The following BCL11A variants were observed in gnomAD, a reference collection of about 807,000 sequenced individuals.
BCL11A encodes the protein B cell CLL/lymphoma 11A.
BCL11A carries 2 observed loss-of-function variants against 55.9 expected under a neutral mutation model. That is an observed-to-expected ratio of 0.04 (90% CI 0.01 to 0.11). BCL11A has a LOEUF of 0.11. BCL11A is among the 10% of genes least tolerant of loss of function. BCL11A has a pLI of 1.00. For missense variants in BCL11A, 817 were observed against 1,137.1 expected (o/e 0.72, Z 4.05); for synonymous variants, 465 against 473.4 (o/e 0.98, Z 0.23).
Position 60,492,615 on chromosome 2 carries a change from CCT to C in BCL11A, c.386-23784_386-23783del, listed in dbSNP as rs3028027. Among the ~76,000 whole-genome samples, 698 of 143,650 alleles carry C rather than the reference CCT, an allele frequency of 4.9e-3. 2 individuals carry two copies. Among genetic ancestry groups the C allele is most frequent in the East Asian group, 0.031 (152 of 4,864 alleles). The allele number at this position is 143,650 out of a possible 152,430, so 94.2% of individuals were successfully genotyped here. A position where few individuals can be genotyped will look rare whatever the true frequency, so the allele number is the denominator to read the frequency against. Reference sequence around the variant, plus strand: ...GGATAACCCCATCTCAGTGGGCCTCCCTCTCTCTCTCTCTCTCTCTCTCTCTC... The same window carrying C: ...GGATAACCCCATCTCAGTGGGCCTCCCTCTCTCTCTCTCTCTCTCTCTCTC... On this transcript the variant is annotated intron_variant, in intron 2 of 3. Coordinates refer to ENST00000642384, the MANE Select transcript of BCL11A (RefSeq NM_022893.4).
chr2:60,467,028 T>C (rs949319073), intron 3 of BCL11A, among the ~76,000 whole-genome samples: 1 of 152,080 alleles, frequency 6.6e-6, no homozygotes, highest in African/African-American at 2.4e-5. Context: ...CATAAAATGG[T>C]CCCTACTATA....
At chr2:60,499,445 GC>G (rs751315786) in intron 2 of BCL11A, among the ~76,000 whole-genome samples, 30 of 152,176 alleles carry the variant, frequency 2.0e-4, no homozygotes, top group Non-Finnish European at 3.7e-4. Flanking sequence ...AAGGAAATTA[GC>G]CCCATTTTAT....
intron 3 of BCL11A, among the ~76,000 whole-genome samples, chr2:60,467,578 AATGGTGGTGGTGGTG>A (rs1676822699): frequency 9.0e-5 from 1 of 11,172 alleles, no homozygotes. Flanking sequence ...TGGTGGTGGT[AATGGTGGTGGTGGTG>A]ATGGTGGTGG....
intron 3 of BCL11A, among the ~76,000 whole-genome samples, chr2:60,464,050 G>A (rs1342697710): frequency 1.3e-5 from 2 of 152,116 alleles, no homozygotes; most frequent in African/African-American, 2.4e-5. Context: ...CCAAACACTG[G>A]TATTCCAAAA....
chr2:60,458,057 AG>A lies in BCL11A; in HGVS notation c.*2346del. ...TCTTTTTTTTTTCCACTACCAAAAA[AG>A]GTACATTGATACCTTTTAAGAGAAC... On this transcript the variant is annotated 3_prime_UTR_variant, in exon 4 of 4. Transcript: ENST00000642384. The A allele has an allele frequency of 9.7e-7, 1 of 1,035,764 alleles. No individual in the cohort carries two copies. The highest frequency in any genetic ancestry group is 1.2e-6 in the Non-Finnish European group (1 of 860,134). 64.2% of individuals were successfully genotyped at this position (1,035,764 alleles called of 1,614,324 possible). A position where few individuals can be genotyped will look rare whatever the true frequency, so the allele number is the denominator to read the frequency against.
At chr2:60,522,327 A>G (rs995366913) in intron 2 of BCL11A, 1 of 152,152 alleles carries the variant, frequency 6.6e-6, no homozygotes, top group Non-Finnish European at 1.5e-5. Context: ...TAAACATAGG[A>G]ACTCGTTTTT....
Position 60,457,929 on chromosome 2 carries a change from A to G in BCL11A, c.*2475T>C. ...GCCATTATATGGCTTCTCATCTGTA[A>G]TGTCACACTTTTTTGTTTCTCTCTT... On this transcript the variant is annotated 3_prime_UTR_variant, in exon 4 of 4. Coordinates refer to ENST00000642384, the MANE Select transcript of BCL11A (RefSeq NM_022893.4). 9.6e-7 allele frequency: 1 copy of G among 1,044,752 alleles called. No homozygotes were observed. The highest frequency in any genetic ancestry group is 1.2e-6 in the Non-Finnish European group (1 of 866,334). The allele number at this position is 1,044,752 out of a possible 1,614,324, so 64.7% of individuals were successfully genotyped here. A position where few individuals can be genotyped will look rare whatever the true frequency, so the allele number is the denominator to read the frequency against.
At chr2:60,509,695 C>T (rs1679873090) in intron 2 of BCL11A, among the ~76,000 whole-genome samples, 1 of 152,136 alleles carries the variant, frequency 6.6e-6, no homozygotes, top group Admixed American at 6.5e-5. Flanking sequence ...GAGAAAAACA[C>T]CTGGCCCTCC....
At chr2:60,550,927 C>T in intron 1 of BCL11A, 1 of 115,472 alleles carries the variant, frequency 8.7e-6, no homozygotes, top group South Asian at 3.1e-4. Context: ...CCGGCGCGGC[C>T]GGGGGAGTTG....
chr2:60,489,048 C>A (rs1678461456), intron 2 of BCL11A, among the ~76,000 whole-genome samples: 1 of 152,184 alleles, frequency 6.6e-6, no homozygotes, highest in African/African-American at 2.4e-5. Flanking sequence ...GCATAAGCTA[C>A]CACACCCAGC....
chr2:60,512,812 C>T (rs550104170), intron 2 of BCL11A, among the ~76,000 whole-genome samples: 25 of 152,310 alleles, frequency 1.6e-4, no homozygotes, highest in South Asian at 6.2e-4. Context: ...TGAGTCACCT[C>T]TGATGACGGA....
At chr2:60,457,013 T>C (rs966002570), downstream of BCL11A, among the ~76,000 whole-genome samples, 4 of 152,140 alleles carry the variant, frequency 2.6e-5, no homozygotes, top group African/African-American at 9.7e-5. Flanking sequence ...ATGTCCAGGG[T>C]TTGAGATATG....
At chr2:60,517,931 G>A (rs1031000222) in intron 2 of BCL11A, among the ~76,000 whole-genome samples, 4 of 152,144 alleles carry the variant, frequency 2.6e-5, no homozygotes, top group Non-Finnish European at 5.9e-5. Flanking sequence ...GTCGACTAGA[G>A]GAACAAGAAC....
At chr2:60,485,214 C>G (rs899270197) in intron 2 of BCL11A, among the ~76,000 whole-genome samples, 3 of 152,182 alleles carry the variant, frequency 2.0e-5, no homozygotes, top group African/African-American at 7.2e-5. Flanking sequence ...TAATGGAAGT[C>G]TGGCCTTGGA....
Position 60,546,914 on chromosome 2 carries a change from C to T in BCL11A, c.56-614G>A, listed in dbSNP as rs1272506904. ...CACTGCTGTAATAAGAAAACGACTGCATGCACCTATGAAACGGATCTAAAT... is the reference window on the plus strand; with the variant it reads ...CACTGCTGTAATAAGAAAACGACTGTATGCACCTATGAAACGGATCTAAAT... On this transcript the variant is annotated intron_variant, in intron 1 of 3. Transcript: ENST00000642384. This position sits in a 1 kb window ranked among gnomAD's most constrained non-coding sequence, Gnocchi z 4.1. Among the ~76,000 whole-genome samples the T allele has an allele frequency of 1.3e-5, 2 of 152,206 alleles. No individual in the cohort carries two copies. The highest frequency in any genetic ancestry group is 2.9e-5 in the Non-Finnish European group (2 of 68,044).
chr2:60,475,419 C>A (rs2104078123), intron 2 of BCL11A, among the ~76,000 whole-genome samples: 1 of 152,310 alleles, frequency 6.6e-6, no homozygotes, highest in East Asian at 1.9e-4. Flanking sequence ...ATGTTTTATT[C>A]CTCTGAGTCA....
intron 1 of BCL11A, among the ~76,000 whole-genome samples, chr2:60,550,248 G>A (rs1195115528): frequency 1.3e-5 from 2 of 152,140 alleles, no homozygotes; most frequent in East Asian, 3.9e-4. Context: ...AGCCCGGCGC[G>A]CGCTGGTCTC....
chr2:60,537,869 T>G (rs1669739292), intron 2 of BCL11A: 1 of 152,244 alleles, frequency 6.6e-6, no homozygotes, highest in African/African-American at 2.4e-5. Flanking sequence ...TCACAATAAT[T>G]CCATTCTTTA....
intron 2 of BCL11A, among the ~76,000 whole-genome samples, chr2:60,481,168 G>A (rs1677933173): frequency 6.6e-6 from 1 of 152,038 alleles, no homozygotes; most frequent in African/African-American, 2.4e-5. Flanking sequence ...TGTGCTCAAG[G>A]AGATTGAGGC....
Sources: allele counts gnomAD v4.1 joint callset (sites outside exome capture counted in the v4.1 genomes callset), GRCh38; gene constraint gnomAD v4.1.1; non-coding constraint Gnocchi (gnomAD v3.1); transcripts MANE v1.5; gene names NCBI Gene and HGNC (gene_info 2026-07-23, HGNC 2026-07-21).